CEP112: variants seen among roughly 807,000 people sequenced by gnomAD.
CEP112 encodes centrosomal protein 112.
In CEP112, 127 loss-of-function variants were observed where a neutral mutation model predicts 153.0. The observed-to-expected ratio is 0.83, with a 90% CI of 0.72 to 0.96. The LOEUF (loss-of-function observed/expected upper bound fraction) is 0.96. Among genes scored for constraint, CEP112 ranks in the 40% least tolerant of loss-of-function variants. CEP112 has a pLI of 0.00. For missense variants in CEP112, 1,089 were observed against 1,101.2 expected (o/e 0.99, Z 0.16); for synonymous variants, 358 against 374.4 (o/e 0.96, Z 0.51).
At chr17:65,872,242 A>AT (rs1239244701) in intron 20 of CEP112, among the ~76,000 whole-genome samples, 8 of 152,014 alleles carry the variant, frequency 5.3e-5, no homozygotes, top group Admixed American at 4.6e-4. Context: ...CTTTTATAAG[A>AT]TTTAACATAA....
At chr17:65,828,480 G>A (rs1056330206) in intron 21 of CEP112, among the ~76,000 whole-genome samples, 1 of 152,168 alleles carries the variant, frequency 6.6e-6, no homozygotes, top group African/African-American at 2.4e-5. Flanking sequence ...GATGACTGAG[G>A]AATCTCACTA....
chr17:65,693,368 C>T (rs779081801), intron 23 of CEP112, among the ~76,000 whole-genome samples: 6 of 152,054 alleles, frequency 3.9e-5, no homozygotes, highest in Middle Eastern at 3.4e-3. Flanking sequence ...TTCCTTTTTC[C>T]ACAGAAGCAT....
At chr17:65,921,070 A>G (rs1176014494) in intron 19 of CEP112, among the ~76,000 whole-genome samples, 3 of 151,968 alleles carry the variant, frequency 2.0e-5, no homozygotes, top group African/African-American at 2.4e-5. Context: ...AGACACAGAA[A>G]TCTCACTTTA....
intron 23 of CEP112, among the ~76,000 whole-genome samples, chr17:65,700,787 G>A (rs1346215847): frequency 2.0e-5 from 3 of 152,086 alleles, no homozygotes; most frequent in Non-Finnish European, 4.4e-5. Flanking sequence ...GGCCTGCTGG[G>A]GACAGTTAAC....
chr17:65,808,021 T>C lies in CEP112; in HGVS notation c.2394+43783A>G, dbSNP rs548696270. 9.2e-5 allele frequency among the ~76,000 whole-genome samples: 14 copies of C among 152,324 alleles called. No individual in the cohort carries two copies. In the South Asian group the frequency reaches 2.9e-3, roughly 32 times the overall value. On this transcript the variant is annotated intron_variant, in intron 21 of 26. Coordinates refer to ENST00000535342, the MANE Select transcript of CEP112 (RefSeq NM_001199165.4). ...GCTGCAGCCACTCAATGCCAGTCCA[T>C]GAAAGCAGCTGCTGAGGCAGTACCC...
In CEP112 at chr17:66,053,851, T is replaced by C. The variant is rs770956442; in HGVS notation, c.1103A>G (p.Gln368Arg). ...TTGCTTTTGAAGATCAAACTTTTCC[T>C]GTTCCATTTCTGCTACAGCATTGTG... is the stretch of plus-strand genomic sequence containing the variant. ...KLHNAVAEME[Q>R]EKFDLQKQHT... The change falls in exon 12 of 27, where the codon CAG becomes CGG. Residue 368 changes from glutamine to arginine, a missense_variant. Coordinates refer to ENST00000535342, the MANE Select transcript of CEP112 (RefSeq NM_001199165.4). 1.2e-6 allele frequency: 2 copies of C among 1,613,382 alleles called. No homozygotes were observed. The highest frequency in any genetic ancestry group is 1.7e-6 in the Non-Finnish European group (2 of 1,179,540).
In CEP112 at chr17:66,069,970, T is replaced by C. The variant is rs1269311068; in HGVS notation, c.800A>G (p.Lys267Arg). 6 of 1,607,490 alleles carry C rather than the reference T, an allele frequency of 3.7e-6. No homozygotes were observed. The highest frequency in any genetic ancestry group is 5.1e-6 in the Non-Finnish European group (6 of 1,176,142). The change falls in exon 9 of 27, where the codon AAA (lysine) becomes AGA (arginine). Residue 267 changes from lysine to arginine, a missense_variant. Transcript: ENST00000535342. ...CAGTTTAAGCTTTTCTTCATGAAAT[T>C]TAGCTTCCATCATTTTTGTTTTCAT... ...LDMKTKMMEAKFHEEKLKLQQ... is the reference protein window; with the variant it reads ...LDMKTKMMEARFHEEKLKLQQ...
rs1406354956 is a variant in CEP112, at chr17:66,096,256, T to C, written c.763A>G (p.Lys255Glu). 1.2e-6 allele frequency: 2 copies of C among 1,608,944 alleles called. No individual in the cohort carries two copies. Among genetic ancestry groups the C allele is most frequent in the African/African-American group, 2.7e-5 (2 of 74,796 alleles). Residue 255 changes from lysine to glutamate, a missense_variant, in exon 8 of 27, where the codon AAA (lysine) becomes GAA (glutamate). By Grantham distance (56) the Lys-to-Glu change is moderately conservative. Coordinates refer to ENST00000535342, the MANE Select transcript of CEP112 (RefSeq NM_001199165.4). ...CAGCAATATCTCATTCCTACCTCTT[T>C]CTCACGTATTCGAGAGAGAAAATGA... ...DDHFLSRIRE[K>E]ELDMKTKMME...
At chr17:66,086,552 C>T (rs111566715) in intron 8 of CEP112, among the ~76,000 whole-genome samples, 14 of 151,452 alleles carry the variant, frequency 9.2e-5, no homozygotes, top group African/African-American at 2.4e-4. Flanking sequence ...TACAGGCACC[C>T]GCCACCATGC....
intron 23 of CEP112, among the ~76,000 whole-genome samples, chr17:65,731,917 AC>A (rs1247217070): frequency 1.3e-5 from 2 of 150,412 alleles, no homozygotes; most frequent in East Asian, 3.9e-4. Context: ...ATCTGCAGTT[AC>A]TTCCTCAAAG....
rs539253023 is a variant in CEP112 at position 65,942,282 on chromosome 17, G to A, written c.1873-14593C>T. 1.5e-3 allele frequency among the ~76,000 whole-genome samples: 231 copies of A among 152,290 alleles called. 2 individuals carry two copies. The highest frequency in any genetic ancestry group is 5.4e-3 in the African/African-American group (225 of 41,560). ...AGAATCTAATGCCTGATGATCTCAG[G>A]TGGAACAGTTTCATCCCCAAACCAT... On this transcript the variant is annotated intron_variant, in intron 18 of 26. Coordinates refer to ENST00000535342, the MANE Select transcript of CEP112 (RefSeq NM_001199165.4).
intron 17 of CEP112, among the ~76,000 whole-genome samples, chr17:65,982,776 A>G (rs1245171130): frequency 1.3e-5 from 2 of 152,240 alleles, no homozygotes; most frequent in Non-Finnish European, 2.9e-5. Context: ...TCATAGCAGC[A>G]CTATTCACAA....
intron 18 of CEP112, among the ~76,000 whole-genome samples, chr17:65,938,551 A>G (rs1483795886): frequency 2.0e-5 from 3 of 152,220 alleles, no homozygotes; most frequent in Non-Finnish European, 4.4e-5. Flanking sequence ...TTAGACAAGG[A>G]TGTCCACACT....
chr17:65,738,473 A>G (rs2145101206), intron 23 of CEP112, among the ~76,000 whole-genome samples: 1 of 152,318 alleles, frequency 6.6e-6, no homozygotes, highest in South Asian at 2.1e-4. Context: ...TTCTAAAACA[A>G]CAAAAAAAAT....
intron 24 of CEP112, among the ~76,000 whole-genome samples, chr17:65,657,627 C>T (rs998785904): frequency 2.6e-5 from 4 of 152,108 alleles, no homozygotes; most frequent in East Asian, 3.8e-4. Flanking sequence ...GGTGACTAGG[C>T]CTTTTTGGTT....
chr17:66,060,449 C>T (rs1201168899), intron 11 of CEP112, among the ~76,000 whole-genome samples: 1 of 152,072 alleles, frequency 6.6e-6, no homozygotes, highest in Non-Finnish European at 1.5e-5. Context: ...GTAGCCAAAG[C>T]AATCTTAAGC....
rs1014983544 is a variant in CEP112 at position 66,129,623 on chromosome 17, A to G, written c.642+123T>C. ...CTATACTTAAGCCCTTCTCAAGGCC[A>G]CACAGTAACATATGTCTAACATCCA... is the stretch of plus-strand genomic sequence containing the variant. On this transcript the variant is annotated intron_variant, in intron 6 of 26. Coordinates refer to ENST00000535342, the MANE Select transcript of CEP112 (RefSeq NM_001199165.4). The G allele has an allele frequency of 1.3e-5, 8 of 637,708 alleles. No homozygotes were observed. The African/African-American group carries it at 1.5e-4, about 12-fold the overall frequency. 39.5% of individuals were successfully genotyped at this position (637,708 alleles called of 1,614,324 possible).
intron 20 of CEP112, among the ~76,000 whole-genome samples, chr17:65,878,384 A>T (rs1484246464): frequency 6.6e-6 from 1 of 152,204 alleles, no homozygotes; most frequent in Admixed American, 6.5e-5. Context: ...GATGAAGCAA[A>T]TATACACATT....
intron 24 of CEP112, among the ~76,000 whole-genome samples, chr17:65,649,078 ACACACACACACACAC>A (rs777079233): frequency 0.13 from 18,036 of 144,238 alleles, 1,215 homozygotes; most frequent in East Asian, 0.31. Context: ...AAACAAACAC[ACACACACACACACAC>A]ACACACACAC....
Sources: gnomAD v4.1 joint callset for allele counts (sites outside exome capture counted in the v4.1 genomes callset) on GRCh38, gnomAD v4.1.1 for gene constraint, MANE v1.5 for transcripts, NCBI Gene and HGNC (gene_info 2026-07-23, HGNC 2026-07-21) for gene names.